Variants in ARMCX2 observed in about 807,000 individuals in gnomAD.
ARMCX2 encodes the protein armadillo repeat-containing X-linked protein 2.
In ARMCX2, 2 loss-of-function variants were observed where a neutral mutation model predicts 17.0. The ratio of observed to expected loss-of-function variants is 0.12; its 90% CI spans 0.05 to 0.37. The LOEUF (loss-of-function observed/expected upper bound fraction) is 0.37. Ranked by LOEUF, ARMCX2 falls within the 10% of genes least tolerant of loss-of-function variation. The probability of loss-of-function intolerance (pLI) is 1.00; values close to 1 mark genes in which losing one functional copy is unlikely to be tolerated. For synonymous variants in ARMCX2, 182 were observed against 195.2 expected (o/e 0.93, Z 0.57); for missense variants, 408 against 497.7 (o/e 0.82, Z 1.72).
chrX:101,658,270 C>T (rs1364694545), intron 4 of ARMCX2, 128 bp from the exon 5 acceptor site: 11 of 111,989 alleles, frequency 9.8e-5, no homozygotes, highest in African/African-American at 3.6e-4. Flanking sequence ...TTCAGCCTCT[C>T]CTCCCCCAAA....
rs781838201 is a variant in ARMCX2 at position 101,656,965 on chromosome X, A to G, written c.624T>C (p.Ala208=). The G allele has an allele frequency of 8.3e-7, 1 of 1,211,101 alleles. No individual in the cohort carries two copies. Among genetic ancestry groups the G allele is most frequent in the African/African-American group, 1.7e-5 (1 of 57,633 alleles). ...CCTCGGTAGGCGATGCCACCCCGGG[A>G]GCTTCAGCTACCTTGGTAGGTGCTG... is the stretch of plus-strand genomic sequence containing the variant. ...GVAAPTKVAE[A]PGVASPTEAA... Residue 208 remains alanine (A), a synonymous_variant, in exon 6 of 6, where the codon GCT becomes GCC. Transcript: ENST00000356824.
In ARMCX2 at chrX:101,656,266, A is replaced by T; in HGVS notation, c.1323T>A (p.Asp441Glu). ...TTAAGGCTTTTTCCTTAATGTGTGG[A>T]TCAGTTTTGTTGATCATGTTTGCAA... ...PIIANMINKTDPHIKEKALMA... is the reference protein window; with the variant it reads ...PIIANMINKTEPHIKEKALMA... The change falls in exon 6 of 6, where the codon GAT (aspartate) becomes GAA (glutamate). Residue 441 changes from aspartate (D) to glutamate (E), a missense_variant. Physicochemically the swap from Asp to Glu is conservative, Grantham distance 45 (BLOSUM62 2). This residue lies in a region of ARMCX2 where 101 missense variants were observed against 170.9 expected (regional missense o/e 0.59). Transcript: ENST00000356824. 8.3e-7 allele frequency: 1 copy of T among 1,209,822 alleles called. No homozygotes were observed. The highest frequency in any genetic ancestry group is 1.1e-6 in the Non-Finnish European group (1 of 894,572).
At position 101,656,834 on chromosome X, in the gene ARMCX2, C is replaced by T. The variant is rs1382701645; in HGVS notation, c.755G>A (p.Gly252Glu). ...SGSPRTAVVP[G>E]TSAAKKATPG... ...GGTTGCTTTCTTGGCAGCTGATGTT[C>T]CAGGAACCACCGCTGTTCTAGGGGA... The change falls in exon 6 of 6, where the codon GGA becomes GAA. Residue 252 changes from glycine (G) to glutamate (E), a missense_variant. By Grantham distance (98) the Gly-to-Glu change is moderately conservative. Transcript: ENST00000356824. 9.9e-6 allele frequency: 12 copies of T among 1,209,514 alleles called. No homozygotes were observed. The highest frequency in any genetic ancestry group is 2.3e-4 in the Middle Eastern group (1 of 4,374).
In ARMCX2 at chrX:101,656,944, G is replaced by A. The variant is rs1025256673; in HGVS notation, c.645C>T (p.Thr215=). The part of the protein sequence containing the change: ...VAEAPGVASP[T]EAAEAPVPAT... Reference sequence around the variant, plus strand: ...CCGGCACAGGAGCCTCAGCTGCCTCGGTAGGCGATGCCACCCCGGGAGCTT... The same window carrying A: ...CCGGCACAGGAGCCTCAGCTGCCTCAGTAGGCGATGCCACCCCGGGAGCTT... Residue 215 remains threonine (T), a synonymous_variant, in exon 6 of 6, where the codon ACC becomes ACT. Transcript: ENST00000356824. 5 of 1,210,714 alleles carry A rather than the reference G, an allele frequency of 4.1e-6. No individual in the cohort carries two copies. Among genetic ancestry groups the A allele is most frequent in the African/African-American group, 1.7e-5 (1 of 57,672 alleles).
In ARMCX2 at chrX:101,657,537, C is replaced by A. The variant is rs146063947; in HGVS notation, c.52G>T (p.Ala18Ser). 9.2e-4 allele frequency: 1,111 copies of A among 1,208,090 alleles called. No individual in the cohort carries two copies. The highest frequency in any genetic ancestry group is 1.2e-3 in the Non-Finnish European group (1,043 of 893,914). The change falls in exon 6 of 6, where the codon GCT (alanine) becomes TCT (serine). Residue 18 changes from alanine (A) to serine (S), a missense_variant. Physicochemically the swap from Ala to Ser is moderately conservative, Grantham distance 99. Around this residue, in one of 2 missense-constraint regions of ARMCX2, gnomAD observed 307 missense variants for 326.8 expected, o/e 0.94. Coordinates refer to ENST00000356824, the MANE Select transcript of ARMCX2 (RefSeq NM_177949.4). ...GCVAAGIVIGAGAWYCVYKYT... is the reference protein window; with the variant it reads ...GCVAAGIVIGSGAWYCVYKYT... The stretch of plus-strand genomic sequence containing the variant: ...TTGTAGACACAGTACCAGGCACCAG[C>A]CCCTATCACTATCCCCGCCGCTACA...
rs202136529 is a variant in ARMCX2, at chrX:101,657,396, G to C, written c.193C>G (p.Leu65Val). 2 of 1,212,203 alleles carry C rather than the reference G, an allele frequency of 1.6e-6. No homozygotes were observed. Among genetic ancestry groups the C allele is most frequent in the Non-Finnish European group, 2.2e-6 (2 of 895,612 alleles). The change falls in exon 6 of 6, where the codon CTT (leucine) becomes GTT (valine). Residue 65 changes from leucine to valine, a missense_variant. Coordinates refer to ENST00000356824, the MANE Select transcript of ARMCX2 (RefSeq NM_177949.4). ...AGLRAGFTIDLGSGFSPPTPV... is the reference protein window; with the variant it reads ...AGLRAGFTIDVGSGFSPPTPV... ...GTTGGGGGACTGAATCCTGACCCAA[G>C]GTCGATTGTGAATCCGGCTCTTAGC... is the stretch of plus-strand genomic sequence containing the variant.
chrX:101,656,179 AT>A lies in ARMCX2; in HGVS notation c.1409del (p.Asn470IlefsTer3). The A allele has an allele frequency of 1.7e-6, 2 of 1,210,087 alleles. No individual in the cohort carries two copies. Among genetic ancestry groups the A allele is most frequent in the Non-Finnish European group, 2.2e-6 (2 of 894,409 alleles). On this transcript the variant is annotated frameshift_variant, in exon 6 of 6. Coordinates refer to ENST00000356824, the MANE Select transcript of ARMCX2 (RefSeq NM_177949.4). LOFTEE classifies it high-confidence loss of function. ...AGGCCATGATATCATCCATCACTTTATTCATGTACACCTGAAGCCGGCCCTG... is the reference window on the plus strand; with the variant it reads ...AGGCCATGATATCATCCATCACTTTATCATGTACACCTGAAGCCGGCCCTG... ...ENQGRLQVYM[N>X]KVMDDIMASN...
Position 101,659,446 on chromosome X carries a change from A to G in ARMCX2, c.-363T>C, listed in dbSNP as rs1231639946. The G allele has an allele frequency of 2.8e-5, 3 of 107,740 alleles. No individual in the cohort carries two copies. Among genetic ancestry groups the G allele is most frequent in the African/African-American group, 1.0e-4 (3 of 29,288 alleles). The allele number at this position is 107,740 out of a possible 1,213,427, so 8.9% of individuals were successfully genotyped here. A position where few individuals can be genotyped will look rare whatever the true frequency, so the allele number is the denominator to read the frequency against. On this transcript the variant is annotated 5_prime_UTR_variant, in exon 2 of 6. Coordinates refer to ENST00000356824, the MANE Select transcript of ARMCX2 (RefSeq NM_177949.4). ...CCCTGCTGGCCTTCTATGCGCTGCC[A>G]CGTTTATTTCTCTTCCCTCCTCCTC...
chrX:101,656,651 G>A lies in ARMCX2; in HGVS notation c.938C>T (p.Pro313Leu). Residue 313 changes from proline to leucine, a missense_variant, in exon 6 of 6, where the codon CCT (proline) becomes CTT (leucine). Pro to Leu is a moderately conservative substitution (Grantham distance 98). Around this residue, in one of 2 missense-constraint regions of ARMCX2, gnomAD observed 307 missense variants for 326.8 expected, o/e 0.94. Coordinates refer to ENST00000356824, the MANE Select transcript of ARMCX2 (RefSeq NM_177949.4). ...EVDELGMGFR[P>L]GDGAAAAAAA... Reference sequence around the variant, plus strand: ...AGCAGCTGCTGCAGCCCCATCTCCAGGACGGAAGCCCATCCCCAGTTCGTC... The same window carrying A: ...AGCAGCTGCTGCAGCCCCATCTCCAAGACGGAAGCCCATCCCCAGTTCGTC... 1.7e-6 allele frequency: 2 copies of A among 1,210,795 alleles called. No individual in the cohort carries two copies. The highest frequency in any genetic ancestry group is 2.2e-6 in the Non-Finnish European group (2 of 895,251).
Position 101,655,633 on chromosome X carries a change from G to A in ARMCX2, c.*57C>T, listed in dbSNP as rs782520877. On this transcript the variant is annotated 3_prime_UTR_variant, in exon 6 of 6. Coordinates refer to ENST00000356824, the MANE Select transcript of ARMCX2 (RefSeq NM_177949.4). Reference sequence around the variant, plus strand: ...AAAGCAGTAACTTTCAATTTTCAACGCTTCCACACTGCAAAATCATGAAAT... The same window carrying A: ...AAAGCAGTAACTTTCAATTTTCAACACTTCCACACTGCAAAATCATGAAAT... 2 of 952,234 alleles carry A rather than the reference G, an allele frequency of 2.1e-6. No individual in the cohort carries two copies. The allele number at this position is 952,234 out of a possible 1,213,427, so 78.5% of individuals were successfully genotyped here. A position where few individuals can be genotyped will look rare whatever the true frequency, so the allele number is the denominator to read the frequency against.
chrX:101,655,545 C>T lies in ARMCX2; in HGVS notation c.*145G>A, dbSNP rs1556046191. ...GGTGACTGTCACAGATAACATCACTCTGGATGATACATTATTCAACACTGG... is the reference window on the plus strand; with the variant it reads ...GGTGACTGTCACAGATAACATCACTTTGGATGATACATTATTCAACACTGG... On this transcript the variant is annotated 3_prime_UTR_variant, in exon 6 of 6. Transcript: ENST00000356824. 2.4e-6 allele frequency: 1 copy of T among 415,258 alleles called. No individual in the cohort carries two copies. Among genetic ancestry groups the T allele is most frequent in the East Asian group, 4.0e-5 (1 of 24,876 alleles). 34.2% of individuals were successfully genotyped at this position (415,258 alleles called of 1,213,427 possible). A position where few individuals can be genotyped will look rare whatever the true frequency, so the allele number is the denominator to read the frequency against.
Position 101,659,085 on chromosome X carries a change from T to C in ARMCX2, c.-272A>G. ...TCTCCCGCCTGCATACCCGAATTCCTTTTCCAGGACTGAAAAGACGGGGGG... is the reference window on the plus strand; with the variant it reads ...TCTCCCGCCTGCATACCCGAATTCCCTTTCCAGGACTGAAAAGACGGGGGG... On this transcript the variant is annotated 5_prime_UTR_variant, in exon 3 of 6. Coordinates refer to ENST00000356824, the MANE Select transcript of ARMCX2 (RefSeq NM_177949.4). 1 of 113,692 alleles carries C rather than the reference T, an allele frequency of 8.8e-6. No homozygotes were observed. The highest frequency in any genetic ancestry group is 1.9e-5 in the Non-Finnish European group (1 of 53,462). 9.4% of individuals were successfully genotyped at this position (113,692 alleles called of 1,213,427 possible). A position where few individuals can be genotyped will look rare whatever the true frequency, so the allele number is the denominator to read the frequency against.
rs1556063377 is a variant in ARMCX2, at chrX:101,657,067, C to A, written c.522G>T (p.Arg174Ser). Reference sequence around the variant, plus strand: ...CCACTGTCCCAGGAGGCACCGCTGCCCTGGAAGTCTCCGCTTCTCTGGGAG... The same window carrying A: ...CCACTGTCCCAGGAGGCACCGCTGCACTGGAAGTCTCCGCTTCTCTGGGAG... ...AEAPREAETSRAAVPPGTVVP... is the reference protein window; with the variant it reads ...AEAPREAETSSAAVPPGTVVP... The change falls in exon 6 of 6, where the codon AGG becomes AGT. Residue 174 changes from arginine (R) to serine (S), a missense_variant. Arg to Ser is a moderately radical substitution (Grantham distance 110). Transcript: ENST00000356824. 1 of 1,200,306 alleles carries A rather than the reference C, an allele frequency of 8.3e-7. No individual in the cohort carries two copies. The highest frequency in any genetic ancestry group is 1.8e-5 in the African/African-American group (1 of 56,960).
Position 101,656,801 on chromosome X carries a change from G to A in ARMCX2, c.788C>T (p.Ala263Val). ...GGCTTTCGGTATAGCCCCAGTGTGA[G>A]CCCCAGGGGTTGCTTTCTTGGCAGC... ...TSAAKKATPG[A>V]HTGAIPKATS... The change falls in exon 6 of 6, where the codon GCT (alanine) becomes GTT (valine). Residue 263 changes from alanine to valine, a missense_variant. By Grantham distance (64) the Ala-to-Val change is moderately conservative (BLOSUM62 0). Around this residue, in one of 2 missense-constraint regions of ARMCX2, gnomAD observed 307 missense variants for 326.8 expected, o/e 0.94. Coordinates refer to ENST00000356824, the MANE Select transcript of ARMCX2 (RefSeq NM_177949.4). 1 of 1,211,603 alleles carries A rather than the reference G, an allele frequency of 8.3e-7. No homozygotes were observed. Among genetic ancestry groups the A allele is most frequent in the Non-Finnish European group, 1.1e-6 (1 of 895,456 alleles).
At chrX:101,657,953 C>A (rs1936392907) in intron 5 of ARMCX2, 120 bp downstream of exon 5, 1 of 174,272 alleles carries the variant, frequency 5.7e-6, no homozygotes, top group East Asian at 1.2e-4. Flanking sequence ...GGACGAGAGG[C>A]AGTACAGACA....
Position 101,657,270 on chromosome X carries a change from C to T in ARMCX2, c.319G>A (p.Ala107Thr). Residue 107 changes from alanine (A) to threonine (T), a missense_variant, in exon 6 of 6, where the codon GCT becomes ACT. Around this residue, in one of 2 missense-constraint regions of ARMCX2, gnomAD observed 307 missense variants for 326.8 expected, o/e 0.94. Transcript: ENST00000356824. The stretch of plus-strand genomic sequence containing the variant: ...GCCTGACTGCCTGCCCCACTCTGAG[C>T]CTCAGCGCTGGATGCAGCTGGGGCC... ...AVAPAASSAE[A>T]QSGAGSQAQE... is the part of the protein sequence containing the mutation. 1 of 1,209,224 alleles carries T rather than the reference C, an allele frequency of 8.3e-7. No homozygotes were observed. The highest frequency in any genetic ancestry group is 1.7e-5 in the African/African-American group (1 of 57,971).
Position 101,658,058 on chromosome X carries a change from C to T in ARMCX2, c.-128+15G>A, listed in dbSNP as rs1936400496. 1.8e-5 allele frequency: 2 copies of T among 111,289 alleles called. No individual in the cohort carries two copies. Among genetic ancestry groups the T allele is most frequent in the Admixed American group, 9.3e-5 (1 of 10,725 alleles). 9.2% of individuals were successfully genotyped at this position (111,289 alleles called of 1,213,427 possible). The stretch of plus-strand genomic sequence containing the variant: ...ACCCCCAAGGCCCCTACATGGTGCT[C>T]ATGCACATACCAACCTGGGATCAAG... On this transcript the variant is annotated intron_variant, in intron 5 of 5. Coordinates refer to ENST00000356824, the MANE Select transcript of ARMCX2 (RefSeq NM_177949.4).
intron 5 of ARMCX2, 107 bp downstream of exon 5, chrX:101,657,966 G>A (rs1936394017): frequency 6.5e-6 from 1 of 153,853 alleles, no homozygotes. Flanking sequence ...TACAGACATG[G>A]GTAAAGCTGG....
Position 101,656,430 on chromosome X carries a change from C to T in ARMCX2, c.1159G>A (p.Asp387Asn). 2 of 1,210,827 alleles carry T rather than the reference C, an allele frequency of 1.7e-6. No individual in the cohort carries two copies. The highest frequency in any genetic ancestry group is 2.2e-6 in the Non-Finnish European group (2 of 895,292). Reference protein sequence around the residue: ...YEIDEILGVRDLRKVLALLQK... With the variant: ...YEIDEILGVRNLRKVLALLQK... Reference sequence around the variant, plus strand: ...AGCAAGGCAAGGACCTTCCTGAGATCGCGGACACCCAGAATCTCATCAATT... The same window carrying T: ...AGCAAGGCAAGGACCTTCCTGAGATTGCGGACACCCAGAATCTCATCAATT... Residue 387 changes from aspartate (D) to asparagine (N), a missense_variant, in exon 6 of 6, where the codon GAT (aspartate) becomes AAT (asparagine). Asp to Asn is a conservative substitution (Grantham distance 23, BLOSUM62 1). Around this residue, in one of 2 missense-constraint regions of ARMCX2, gnomAD observed 307 missense variants for 326.8 expected, o/e 0.94. Coordinates refer to ENST00000356824, the MANE Select transcript of ARMCX2 (RefSeq NM_177949.4).
Sources: allele counts gnomAD v4.1 joint callset, GRCh38; gene constraint gnomAD v4.1.1; regional missense constraint gnomAD v4.1.1; transcripts MANE v1.5; gene names NCBI Gene and HGNC (gene_info 2026-07-23, HGNC 2026-07-21).